The following RABGAP1L variants were observed in gnomAD, a reference collection of about 807,000 sequenced individuals.
The protein encoded by RABGAP1L is RAB GTPase activating protein 1 like.
RABGAP1L carries 63 observed loss-of-function variants against 137.7 expected under a neutral mutation model. The ratio of observed to expected loss-of-function variants is 0.46; its 90% CI spans 0.37 to 0.56. RABGAP1L has a LOEUF of 0.56. Ranked by LOEUF, RABGAP1L falls within the 20% of genes least tolerant of loss-of-function variation. RABGAP1L has a pLI of 0.00. For synonymous variants in RABGAP1L, 431 were observed against 433.7 expected (o/e 0.99, Z 0.08); for missense variants, 1,095 against 1,244.0 (o/e 0.88, Z 1.80).
chr1:174,500,033 G>A (rs575360647), intron 13 of RABGAP1L, among the ~76,000 whole-genome samples: 1 of 151,268 alleles, frequency 6.6e-6, no homozygotes, highest in African/African-American at 2.4e-5. Context: ...TATGTTTGGA[G>A]TAGTGAAGTG....
intron 13 of RABGAP1L, among the ~76,000 whole-genome samples, chr1:174,557,158 G>C (rs1200380464): frequency 2.0e-5 from 3 of 152,188 alleles, no homozygotes; most frequent in Non-Finnish European, 4.4e-5. Flanking sequence ...AATTTCCCAT[G>C]ATTTTCCTAA....
At chr1:174,172,411 T>G (rs183419469) in intron 1 of RABGAP1L, among the ~76,000 whole-genome samples, 24 of 152,310 alleles carry the variant, frequency 1.6e-4, no homozygotes, top group Admixed American at 3.9e-4. Flanking sequence ...TTTTTAATGT[T>G]TTGAGGAACT....
At chr1:174,621,069 C>CGT in intron 13 of RABGAP1L, among the ~76,000 whole-genome samples, 1 of 152,248 alleles carries the variant, frequency 6.6e-6, no homozygotes, top group East Asian at 1.9e-4. Flanking sequence ...CATACACCCT[C>CGT]CCAAGACTAA....
chr1:174,342,268 T>C (rs1168098957), intron 11 of RABGAP1L, among the ~76,000 whole-genome samples: 2 of 152,180 alleles, frequency 1.3e-5, no homozygotes, highest in Non-Finnish European at 2.9e-5. Flanking sequence ...CTTATTGTTG[T>C]TGACTAATGA....
At chr1:174,385,098 A>C (rs1162817421) in intron 12 of RABGAP1L, among the ~76,000 whole-genome samples, 1 of 152,216 alleles carries the variant, frequency 6.6e-6, no homozygotes, top group Non-Finnish European at 1.5e-5. Flanking sequence ...AATGGATTAT[A>C]AGGGAACAAA....
At chr1:174,933,455 C>G (rs1190329034) in intron 19 of RABGAP1L, among the ~76,000 whole-genome samples, 1 of 152,134 alleles carries the variant, frequency 6.6e-6, no homozygotes, top group African/African-American at 2.4e-5. Flanking sequence ...AAAAACTGCA[C>G]TGTTTTCGTG....
chr1:174,797,519 G>T (rs890080342), intron 18 of RABGAP1L, among the ~76,000 whole-genome samples: 1 of 137,476 alleles, frequency 7.3e-6, no homozygotes, highest in African/African-American at 2.7e-5. Flanking sequence ...GTGTGTGTAG[G>T]GGGTGTGTGT....
intron 13 of RABGAP1L, among the ~76,000 whole-genome samples, chr1:174,478,255 G>GTTT (rs1302341752): frequency 6.6e-6 from 1 of 151,292 alleles, no homozygotes; most frequent in Admixed American, 6.6e-5. Flanking sequence ...TGTTGTTGTT[G>GTTT]TTATTTGTTT....
chr1:174,241,697 A>C (rs1422330416), intron 5 of RABGAP1L, 40 bp downstream of exon 5: 2 of 1,461,122 alleles, frequency 1.4e-6, no homozygotes, highest in Admixed American at 2.2e-5. Flanking sequence ...ATAGAGATGA[A>C]TTAGGGTAAT....
At chr1:174,502,472 G>A (rs1024282405) in intron 13 of RABGAP1L, among the ~76,000 whole-genome samples, 6 of 150,088 alleles carry the variant, frequency 4.0e-5, no homozygotes, top group African/African-American at 1.2e-4. Flanking sequence ...GATTTTCAAG[G>A]AATACCTTTA....
chr1:174,426,514 G>A (rs1219441399), intron 13 of RABGAP1L, among the ~76,000 whole-genome samples: 1 of 152,012 alleles, frequency 6.6e-6, no homozygotes, highest in Non-Finnish European at 1.5e-5. Context: ...ATATTGGGGA[G>A]TTGAGACCCC....
chr1:174,558,751 G>A (rs1409528225), intron 13 of RABGAP1L, among the ~76,000 whole-genome samples: 1 of 152,156 alleles, frequency 6.6e-6, no homozygotes. Flanking sequence ...GGTGTTGGGA[G>A]GTTCATTCCC....
chr1:174,651,589 A>G (rs976834619), intron 14 of RABGAP1L, among the ~76,000 whole-genome samples: 2 of 152,084 alleles, frequency 1.3e-5, no homozygotes, highest in Non-Finnish European at 2.9e-5. Context: ...CCATTATGTA[A>G]TGGCCTTCTT....
intron 12 of RABGAP1L, among the ~76,000 whole-genome samples, chr1:174,386,324 C>T (rs79680725): frequency 0.061 from 9,338 of 151,988 alleles, 979 homozygotes; most frequent in African/African-American, 0.21. Context: ...TATTAGGTAG[C>T]TAGTGTAAAA....
chr1:174,193,393 A>G (rs942395782), intron 1 of RABGAP1L, among the ~76,000 whole-genome samples: 2 of 152,112 alleles, frequency 1.3e-5, no homozygotes, highest in Admixed American at 6.6e-5. Context: ...TTAGCTGGGC[A>G]TGGTGGTGCA....
chr1:174,656,170 A>G (rs1270697407), intron 14 of RABGAP1L, among the ~76,000 whole-genome samples: 1 of 152,188 alleles, frequency 6.6e-6, no homozygotes, highest in African/African-American at 2.4e-5. Flanking sequence ...AAAGTGTACA[A>G]TTCAGGCTGG....
At chr1:174,640,804 A>G (rs1053624464) in intron 14 of RABGAP1L, among the ~76,000 whole-genome samples, 4 of 151,900 alleles carry the variant, frequency 2.6e-5, no homozygotes, top group African/African-American at 9.7e-5. Flanking sequence ...AAATAAAGCT[A>G]TCATAGCAAA....
At chr1:174,963,709 T>C (rs1669369799) in intron 20 of RABGAP1L, among the ~76,000 whole-genome samples, 1 of 152,038 alleles carries the variant, frequency 6.6e-6, no homozygotes, top group South Asian at 2.1e-4. Context: ...CCAGTTTTTG[T>C]AAACCAAGTT....
chr1:174,608,120 A>G (rs1419678974), intron 13 of RABGAP1L, among the ~76,000 whole-genome samples: 1 of 152,226 alleles, frequency 6.6e-6, no homozygotes, highest in Admixed American at 6.5e-5. Flanking sequence ...TGAGTGCCCA[A>G]CAAAGAAAAA....
Sources: allele counts gnomAD v4.1 joint callset (sites outside exome capture counted in the v4.1 genomes callset), GRCh38; gene constraint gnomAD v4.1.1; transcripts MANE v1.5; gene names NCBI Gene and HGNC (gene_info 2026-07-23, HGNC 2026-07-21).